Variants in DLGAP2 observed in about 807,000 individuals in gnomAD.
The protein encoded by DLGAP2 is disks large-associated protein 2.
Under a neutral mutation model 100.3 loss-of-function variants are expected in DLGAP2, and 26 were observed. The ratio of observed to expected loss-of-function variants is 0.26; its 90% CI spans 0.19 to 0.36. The LOEUF is 0.36. Among genes scored for constraint, DLGAP2 ranks in the 10% least tolerant of loss-of-function variants. The pLI, the probability that DLGAP2 is intolerant of heterozygous loss-of-function variation, is 1.00. For synonymous variants in DLGAP2, 886 were observed against 630.1 expected (o/e 1.41, Z -6.08); for missense variants, 1,858 against 1,453.2 (o/e 1.28, Z -4.53).
At chr8:1,409,155 C>T (rs1796657835) in intron 3 of DLGAP2, among the ~76,000 whole-genome samples, 2 of 89,310 alleles carry the variant, frequency 2.2e-5, no homozygotes, top group South Asian at 6.7e-4. Flanking sequence ...GGACCACTGC[C>T]CAGTTCCTTC....
intron 12 of DLGAP2, among the ~76,000 whole-genome samples, chr8:1,684,344 C>G (rs567471018): frequency 6.6e-6 from 1 of 151,980 alleles, no homozygotes; most frequent in South Asian, 2.1e-4. Flanking sequence ...GCACAATATT[C>G]ATCAAGTTCA....
chr8:1,559,111 TTATG>T (rs1233648938), intron 5 of DLGAP2, among the ~76,000 whole-genome samples: 13 of 152,206 alleles, frequency 8.5e-5, no homozygotes, highest in African/African-American at 3.1e-4. Context: ...AAATGTATGC[TTATG>T]TCACCCTTAT....
At chr8:1,341,472 A>C (rs940057687) in intron 3 of DLGAP2, among the ~76,000 whole-genome samples, 5 of 152,218 alleles carry the variant, frequency 3.3e-5, no homozygotes. Flanking sequence ...ATATAGGCGT[A>C]TTTAATGGAA....
intron 2 of DLGAP2, among the ~76,000 whole-genome samples, chr8:942,077 G>T (rs568281167): frequency 1.3e-5 from 2 of 152,054 alleles, no homozygotes; most frequent in Non-Finnish European, 2.9e-5. Flanking sequence ...TCCTCCTCTG[G>T]CCTCGAGTCA....
chr8:1,204,116 A>G (rs1332474317), intron 2 of DLGAP2, among the ~76,000 whole-genome samples: 1 of 152,230 alleles, frequency 6.6e-6, no homozygotes, highest in Non-Finnish European at 1.5e-5. Flanking sequence ...CATCTCTGAA[A>G]AGGTTGCCAT....
At chr8:1,249,690 A>G (rs1335114882) in intron 2 of DLGAP2, among the ~76,000 whole-genome samples, 1 of 152,184 alleles carries the variant, frequency 6.6e-6, no homozygotes, top group African/African-American at 2.4e-5. Context: ...GTGAGACTGG[A>G]GTCATGAGCA....
chr8:930,649 C>T lies in DLGAP2; in HGVS notation c.73+22683C>T, dbSNP rs557414194. 2.8e-3 allele frequency among the ~76,000 whole-genome samples: 428 copies of T among 152,210 alleles called. 3 individuals are homozygous for T. The highest frequency in any genetic ancestry group is 9.9e-3 in the African/African-American group (411 of 41,512). On this transcript the variant is annotated intron_variant, in intron 2 of 14. Transcript: ENST00000637795. ...TTGCCGCCACGTTGGGTGTGGGACACAGGCTGTGGGCCAGACACCAAGAGC... is the reference window on the plus strand; with the variant it reads ...TTGCCGCCACGTTGGGTGTGGGACATAGGCTGTGGGCCAGACACCAAGAGC...
chr8:1,162,354 C>G (rs1331903290), intron 2 of DLGAP2, among the ~76,000 whole-genome samples: 1 of 152,182 alleles, frequency 6.6e-6, no homozygotes, highest in African/African-American at 2.4e-5. Flanking sequence ...GTGGCTGAAA[C>G]AACACACACT....
intron 4 of DLGAP2, among the ~76,000 whole-genome samples, chr8:1,519,189 G>C (rs1257815972): frequency 6.6e-6 from 1 of 152,162 alleles, no homozygotes; most frequent in Non-Finnish European, 1.5e-5. Flanking sequence ...GGGGCTTCTG[G>C]AAAATGAGCA....
intron 8 of DLGAP2, among the ~76,000 whole-genome samples, chr8:1,646,837 A>ACC (rs1392299272): frequency 6.6e-6 from 1 of 152,202 alleles, no homozygotes. Flanking sequence ...CCCTTCTGGA[A>ACC]AGGAGAACCC....
At chr8:1,127,331 G>A (rs1420283189) in intron 2 of DLGAP2, among the ~76,000 whole-genome samples, 1 of 151,962 alleles carries the variant, frequency 6.6e-6, no homozygotes, top group Non-Finnish European at 1.5e-5. Context: ...CACCATGAGG[G>A]GTCATGGAAC....
intron 3 of DLGAP2, among the ~76,000 whole-genome samples, chr8:1,283,700 C>A (rs1007246210): frequency 3.3e-5 from 5 of 152,170 alleles, no homozygotes; most frequent in Non-Finnish European, 7.3e-5. Context: ...TGAAAATGTT[C>A]ATGCCCTTTG....
At chr8:1,197,309 A>G (rs1797773048) in intron 2 of DLGAP2, among the ~76,000 whole-genome samples, 1 of 149,590 alleles carries the variant, frequency 6.7e-6, no homozygotes, top group African/African-American at 2.5e-5. Context: ...GTCCATGCTG[A>G]CACAGAATTC....
chr8:1,071,184 G>C (rs980968122), intron 2 of DLGAP2, among the ~76,000 whole-genome samples: 7 of 152,198 alleles, frequency 4.6e-5, no homozygotes, highest in African/African-American at 1.4e-4. Flanking sequence ...ATGGTGAGTG[G>C]TGCTTTCCAG....
At chr8:1,584,387 G>A (rs961447685) in intron 6 of DLGAP2, among the ~76,000 whole-genome samples, 6 of 152,164 alleles carry the variant, frequency 3.9e-5, no homozygotes, top group Admixed American at 2.0e-4. Flanking sequence ...CAGACTCCTC[G>A]TGCATGCCAC....
intron 2 of DLGAP2, among the ~76,000 whole-genome samples, chr8:976,737 T>C (rs1436449142): frequency 6.6e-6 from 1 of 152,154 alleles, no homozygotes; most frequent in East Asian, 1.9e-4. Flanking sequence ...GACATCTACA[T>C]GCAAGAAAAA....
chr8:1,516,707 G>T (rs984142461), intron 4 of DLGAP2, among the ~76,000 whole-genome samples: 3 of 152,040 alleles, frequency 2.0e-5, no homozygotes, highest in South Asian at 2.1e-4. Context: ...GAATGAGTGG[G>T]TGACTGAGTG....
intron 2 of DLGAP2, among the ~76,000 whole-genome samples, chr8:1,106,425 T>G (rs1804772558): frequency 6.7e-6 from 1 of 149,786 alleles, no homozygotes; most frequent in Non-Finnish European, 1.5e-5. Flanking sequence ...GGAGCCACTC[T>G]AGGACGGTTT....
intron 1 of DLGAP2, among the ~76,000 whole-genome samples, chr8:841,153 A>G (rs1476503737): frequency 6.6e-6 from 1 of 152,224 alleles, no homozygotes; most frequent in Non-Finnish European, 1.5e-5. Flanking sequence ...CATATGGAAA[A>G]GGCAAGATAA....
Sources: allele counts gnomAD v4.1 joint callset (sites outside exome capture counted in the v4.1 genomes callset), GRCh38; gene constraint gnomAD v4.1.1; transcripts MANE v1.5; gene names NCBI Gene and HGNC (gene_info 2026-07-23, HGNC 2026-07-21).